Variants in SLC29A1 observed in about 807,000 individuals in gnomAD.
SLC29A1 encodes the protein solute carrier family 29 member 1 (Augustine blood group).
SLC29A1 carries 22 observed loss-of-function variants against 48.3 expected under a neutral mutation model. The observed-to-expected ratio is 0.46, with a 90% CI of 0.33 to 0.65. The LOEUF is 0.65. Ranked by LOEUF, SLC29A1 falls within the 30% of genes least tolerant of loss-of-function variation. The pLI, the probability that SLC29A1 is intolerant of heterozygous loss-of-function variation, is 0.03. For missense variants in SLC29A1, 491 were observed against 575.3 expected (o/e 0.85, Z 1.50); for synonymous variants, 228 against 231.0 (o/e 0.99, Z 0.12).
upstream of SLC29A1, among the ~76,000 whole-genome samples, chr6:44,223,300 G>C (rs1776678745): frequency 6.6e-6 from 1 of 151,930 alleles, no homozygotes; most frequent in Non-Finnish European, 1.5e-5. This position sits in a 1 kb window ranked among gnomAD's most constrained non-coding sequence, Gnocchi z 5.0. Context: ...GGGAGTCTGC[G>C]CAGGTCCTTA....
In SLC29A1 at chr6:44,231,471, G is replaced by A. The variant is rs753455990; in HGVS notation, c.864+10G>A. 6 of 1,559,632 alleles carry A rather than the reference G, an allele frequency of 3.8e-6. No homozygotes were observed. In the South Asian group the frequency reaches 5.7e-5, roughly 15 times the overall value. On this transcript the variant is annotated intron_variant, in intron 9 of 12. Transcript: ENST00000371755. ...AGCCATCCTGAAAAATGTACGTAGG[G>A]GAGGTTATCCTATCTTCTACCCCTT...
At chr6:44,227,397 G>A (rs888072575) in intron 2 of SLC29A1, 55 bp downstream of exon 2, 2 of 1,490,486 alleles carry the variant, frequency 1.3e-6, no homozygotes, top group East Asian at 2.3e-5. Flanking sequence ...CAGGGAGCTG[G>A]GTGTGGTGTC....
At chr6:44,227,365 G>A in intron 2 of SLC29A1, 23 bp downstream of exon 2, 2 of 1,599,534 alleles carry the variant, frequency 1.3e-6, no homozygotes, top group South Asian at 1.1e-5. Context: ...GGGCTGGGCT[G>A]TGGATCCAGG....
chr6:44,229,648 C>T lies in SLC29A1; in HGVS notation c.171C>T (p.Ser57=), dbSNP rs1413047385. 3 of 1,614,032 alleles carry T rather than the reference C, an allele frequency of 1.9e-6. No individual in the cohort carries two copies. Among genetic ancestry groups the T allele is most frequent in the Admixed American group, 1.7e-5 (1 of 60,004 alleles). Residue 57 remains serine, a synonymous_variant, in exon 4 of 13, where the codon AGC becomes AGT. Transcript: ENST00000371755. This position sits in a 1 kb window ranked among gnomAD's most constrained non-coding sequence, Gnocchi z 5.1. ...QNVSLVTAEL[S]KDAQASAAPA... is the part of the protein sequence containing the mutation. ...TGTCCTTGGTCACTGCTGAACTGAGCAAGGACGCCCAGGCGTCAGCCGCCC... is the reference window on the plus strand; with the variant it reads ...TGTCCTTGGTCACTGCTGAACTGAGTAAGGACGCCCAGGCGTCAGCCGCCC...
chr6:44,227,020 G>A, intron 1 of SLC29A1: 1 of 1,268,026 alleles, frequency 7.9e-7, no homozygotes, highest in Non-Finnish European at 1.0e-6. Context: ...AGCGGTGGCA[G>A]CGGCCAGGCC....
intron 8 of SLC29A1, 73 bp from the exon 9 acceptor site, chr6:44,231,291 T>A: frequency 1.0e-6 from 1 of 1,004,512 alleles, no homozygotes; most frequent in East Asian, 2.6e-5. Flanking sequence ...ATCCCAGCCG[T>A]TTTGGGGAAT....
Position 44,223,764 on chromosome 6 carries a change from G to T in SLC29A1, c.-52+123G>T, listed in dbSNP as rs1007507769. The T allele has an allele frequency of 2.5e-5, 26 of 1,034,392 alleles. No homozygotes were observed. Among genetic ancestry groups the T allele is most frequent in the Non-Finnish European group, 3.0e-5 (26 of 857,966 alleles). 64.1% of individuals were successfully genotyped at this position (1,034,392 alleles called of 1,614,324 possible). A position where few individuals can be genotyped will look rare whatever the true frequency, so the allele number is the denominator to read the frequency against. ...CTCCGCAGCCCGGAGAAGGGACGCC[G>T]GGTGGGGCCCCAGTGCGGAGCGTGC... is the stretch of plus-strand genomic sequence containing the variant. On this transcript the variant is annotated intron_variant, in intron 1 of 12. Coordinates refer to ENST00000371755, the MANE Select transcript of SLC29A1 (RefSeq NM_001372327.1). This position sits in a 1 kb window ranked among gnomAD's most constrained non-coding sequence, Gnocchi z 5.0.
At chr6:44,227,799 CTG>C (rs1777912941) in intron 2 of SLC29A1, among the ~76,000 whole-genome samples, 2 of 152,230 alleles carry the variant, frequency 1.3e-5, no homozygotes, top group Non-Finnish European at 2.9e-5. Flanking sequence ...GCAGTTATGA[CTG>C]TGAATATGTA....
upstream of SLC29A1, chr6:44,219,619 C>T (rs1158964792): frequency 2.0e-6 from 2 of 1,025,088 alleles, no homozygotes; most frequent in Non-Finnish European, 2.6e-6. Context: ...TGCAGCCTCT[C>T]TTCCGCCCGG....
At position 44,227,243 on chromosome 6, in the gene SLC29A1, ACTGTTCC is replaced by A. The variant is rs1777772579; in HGVS notation, c.-51-19_-51-13del. On this transcript the variant is annotated splice_polypyrimidine_tract_variant and intron_variant, in intron 1 of 12. Coordinates refer to ENST00000371755, the MANE Select transcript of SLC29A1 (RefSeq NM_001372327.1). ...TGGCAGGGCCAAGACAGGGCCTCAC[ACTGTTCC>A]TGCCCCCAGCAGGCCCCTGAGGGAG... 1.2e-6 allele frequency: 2 copies of A among 1,608,026 alleles called. No individual in the cohort carries two copies. The highest frequency in any genetic ancestry group is 3.4e-5 in the Admixed American group (2 of 59,640).
At chr6:44,223,402 A>G (rs1776698076), upstream of SLC29A1, 1 of 322,846 alleles carries the variant, frequency 3.1e-6, no homozygotes. The surrounding 1 kb of genome is among the most constrained non-coding windows in gnomAD (Gnocchi z 5.0). Context: ...ATCTACCGCA[A>G]TAACACGACC....
chr6:44,226,768 C>T (rs868252408), intron 1 of SLC29A1: 20 of 1,001,128 alleles, frequency 2.0e-5, no homozygotes, highest in Middle Eastern at 5.1e-4. Context: ...TCGATGTTGT[C>T]GCAGCTGCTG....
intron 7 of SLC29A1, 60 bp from the exon 8 acceptor site, chr6:44,230,751 G>C (rs1400515571): frequency 1.1e-5 from 18 of 1,583,596 alleles, no homozygotes; most frequent in Non-Finnish European, 1.6e-5. Context: ...ACCTGAAGGA[G>C]GCCGGGATTC....
rs371169575 is a variant in SLC29A1 at position 44,230,893 on chromosome 6, C to G, written c.766+4C>G. On this transcript the variant is annotated splice_donor_region_variant and intron_variant, in intron 8 of 12. Transcript: ENST00000371755. ...AAGTTGGACCTCATTAGCAAAGGTC[C>G]GAAGAGCCTGAGGAAGCTGGGGTGG... 1.2e-6 allele frequency: 2 copies of G among 1,612,516 alleles called. No homozygotes were observed. The highest frequency in any genetic ancestry group is 1.7e-5 in the Admixed American group (1 of 59,990).
chr6:44,231,941 A>T, intron 9 of SLC29A1, 57 bp from the exon 10 acceptor site: 1 of 1,314,886 alleles, frequency 7.6e-7, no homozygotes, highest in Non-Finnish European at 1.1e-6. Context: ...GTGGTTCTTT[A>T]ATGCACAGCC....
At chr6:44,224,351 C>T (rs1777022755) in intron 1 of SLC29A1, among the ~76,000 whole-genome samples, 1 of 151,594 alleles carries the variant, frequency 6.6e-6, no homozygotes, top group African/African-American at 2.4e-5. Context: ...GTGTAAGCTC[C>T]CCATGCCAGG....
chr6:44,230,657 C>A lies in SLC29A1; in HGVS notation c.679C>A (p.Pro227Thr). ...GACCATCATCTGTTACCTGGGCCTGCCCCGCCTGGTGAGTAAATGGAGGGA... is the reference window on the plus strand; with the variant it reads ...GACCATCATCTGTTACCTGGGCCTGACCCGCCTGGTGAGTAAATGGAGGGA... ...ILTIICYLGL[P>T]RLEFYRYYQQ... is the part of the protein sequence containing the mutation. The change falls in exon 7 of 13, where the codon CCC (proline) becomes ACC (threonine). Residue 227 changes from proline to threonine, a missense_variant. Pro to Thr is a conservative substitution (Grantham distance 38). Transcript: ENST00000371755. The A allele has an allele frequency of 6.2e-7, 1 of 1,612,104 alleles. No individual in the cohort carries two copies. Among genetic ancestry groups the A allele is most frequent in the Non-Finnish European group, 8.5e-7 (1 of 1,178,586 alleles).
chr6:44,224,138 T>TA (rs2128339438), intron 1 of SLC29A1, among the ~76,000 whole-genome samples: 1 of 152,180 alleles, frequency 6.6e-6, no homozygotes, highest in African/African-American at 2.4e-5. Context: ...TGCGCACGTC[T>TA]TCATTTACTG....
Position 44,229,982 on chromosome 6 carries a change from G to A in SLC29A1, c.390G>A (p.Val130=). 6.2e-7 allele frequency: 1 copy of A among 1,612,822 alleles called. No homozygotes were observed. Among genetic ancestry groups the A allele is most frequent in the Non-Finnish European group, 8.5e-7 (1 of 1,180,020 alleles). ...LLVFLITAIL[V]KVQLDALPFF... is the part of the protein sequence containing the mutation. Reference sequence around the variant, plus strand: ...TGTTTCTGATCACTGCCATCCTGGTGAAGGTGCAGCTGGATGCTCTGCCCT... The same window carrying A: ...TGTTTCTGATCACTGCCATCCTGGTAAAGGTGCAGCTGGATGCTCTGCCCT... Residue 130 remains valine, a synonymous_variant, in exon 5 of 13, where the codon GTG becomes GTA. Coordinates refer to ENST00000371755, the MANE Select transcript of SLC29A1 (RefSeq NM_001372327.1). The surrounding 1 kb of genome is among the most constrained non-coding windows in gnomAD (Gnocchi z 5.1).
Sources: allele counts gnomAD v4.1 joint callset (sites outside exome capture counted in the v4.1 genomes callset), GRCh38; gene constraint gnomAD v4.1.1; non-coding constraint Gnocchi (gnomAD v3.1); transcripts MANE v1.5; gene names NCBI Gene and HGNC (gene_info 2026-07-23, HGNC 2026-07-21).